The following CYP39A1 variants were observed in gnomAD, a reference collection of about 807,000 sequenced individuals.
CYP39A1 encodes 24-hydroxycholesterol 7-alpha-hydroxylase.
Under a neutral mutation model 58.1 loss-of-function variants are expected in CYP39A1, and 49 were observed. The observed-to-expected ratio is 0.84, with a 90% confidence interval of 0.67 to 1.07. The LOEUF is 1.07. Ranked by LOEUF, CYP39A1 falls within the 50% of genes least tolerant of loss-of-function variation. CYP39A1 has a pLI of 0.00. For synonymous variants in CYP39A1, 209 were observed against 187.6 expected (o/e 1.11, Z -0.93); for missense variants, 531 against 539.4 (o/e 0.98, Z 0.16).
At chr6:46,605,667 C>A (rs1041119841) in intron 7 of CYP39A1, among the ~76,000 whole-genome samples, 2 of 152,118 alleles carry the variant, frequency 1.3e-5, no homozygotes. Flanking sequence ...CTTGCCTCCT[C>A]TCCCATTTCT....
intron 7 of CYP39A1, among the ~76,000 whole-genome samples, chr6:46,619,109 T>C (rs1475557529): frequency 6.6e-6 from 1 of 152,148 alleles, no homozygotes; most frequent in African/African-American, 2.4e-5. Context: ...TAGCTCCTTT[T>C]GTGGCTCCCA....
At chr6:46,554,310 T>C (rs1171451778) in intron 10 of CYP39A1, among the ~76,000 whole-genome samples, 2 of 152,206 alleles carry the variant, frequency 1.3e-5, no homozygotes. Context: ...ACAGTGTATA[T>C]TTAAGATATT....
At chr6:46,579,443 C>T (rs1015158710) in intron 10 of CYP39A1, among the ~76,000 whole-genome samples, 2 of 151,862 alleles carry the variant, frequency 1.3e-5, no homozygotes, top group Non-Finnish European at 2.9e-5. Flanking sequence ...CCTTGAAAAC[C>T]GAAAGAAGAC....
intron 10 of CYP39A1, among the ~76,000 whole-genome samples, chr6:46,576,781 A>T (rs1374303012): frequency 6.6e-6 from 1 of 152,254 alleles, no homozygotes; most frequent in East Asian, 1.9e-4. Flanking sequence ...CAACGCAGGC[A>T]GACAACAATA....
At chr6:46,585,706 AAGG>A (rs1442148388) in intron 10 of CYP39A1, among the ~76,000 whole-genome samples, 16 of 152,268 alleles carry the variant, frequency 1.1e-4, no homozygotes. Context: ...CTTAAAAAGT[AAGG>A]ACACTTATTA....
At chr6:46,645,427 A>T (rs1157930009) in intron 1 of CYP39A1, among the ~76,000 whole-genome samples, 1 of 152,086 alleles carries the variant, frequency 6.6e-6, no homozygotes, top group Non-Finnish European at 1.5e-5. Context: ...CCATTTGTTT[A>T]AAAAGGCCAT....
At chr6:46,583,097 A>T in intron 10 of CYP39A1, 1 of 985,394 alleles carries the variant, frequency 1.0e-6, no homozygotes, top group Non-Finnish European at 1.2e-6. Context: ...ACCCAAACAT[A>T]CACAAAAAGT....
intron 7 of CYP39A1, among the ~76,000 whole-genome samples, chr6:46,613,099 T>C (rs1774313632): frequency 6.6e-6 from 1 of 152,224 alleles, no homozygotes; most frequent in African/African-American, 2.4e-5. Flanking sequence ...CTAATTAAAA[T>C]AAAGCAGACA....
At chr6:46,648,608 T>G (rs1023929398) in intron 1 of CYP39A1, among the ~76,000 whole-genome samples, 1 of 151,762 alleles carries the variant, frequency 6.6e-6, no homozygotes, top group Admixed American at 6.6e-5. Context: ...ACATGGCACA[T>G]GTATACATAT....
intron 8 of CYP39A1, among the ~76,000 whole-genome samples, chr6:46,590,957 T>C (rs541517976): frequency 6.6e-6 from 1 of 152,280 alleles, no homozygotes; most frequent in South Asian, 2.1e-4. Flanking sequence ...TGGTAAATAG[T>C]GCCACCATAA....
intron 10 of CYP39A1, among the ~76,000 whole-genome samples, chr6:46,584,411 G>A (rs1772334700): frequency 6.6e-6 from 1 of 151,962 alleles, no homozygotes; most frequent in Non-Finnish European, 1.5e-5. Flanking sequence ...ACCTCTACCA[G>A]ACACCTGGAT....
intron 5 of CYP39A1, among the ~76,000 whole-genome samples, chr6:46,632,089 G>A (rs1775697186): frequency 6.6e-6 from 1 of 152,092 alleles, no homozygotes; most frequent in Non-Finnish European, 1.5e-5. Flanking sequence ...CCAAGATGCA[G>A]ATACTACTAT....
At chr6:46,551,118 G>T (rs1770372666) in intron 11 of CYP39A1, among the ~76,000 whole-genome samples, 1 of 152,126 alleles carries the variant, frequency 6.6e-6, no homozygotes, top group South Asian at 2.1e-4. Context: ...GGAAGATGAG[G>T]AGTGAGGAAA....
chr6:46,590,836 C>T (rs147079971), intron 8 of CYP39A1, among the ~76,000 whole-genome samples: 31 of 152,254 alleles, frequency 2.0e-4, no homozygotes, highest in African/African-American at 7.2e-4. Flanking sequence ...AACCTGTTTT[C>T]CCTTTTTATT....
At chr6:46,607,127 C>T (rs1488617651) in intron 7 of CYP39A1, among the ~76,000 whole-genome samples, 1 of 152,164 alleles carries the variant, frequency 6.6e-6, no homozygotes, top group African/African-American at 2.4e-5. Context: ...CGCCACATTG[C>T]TTCCTCAAAG....
At chr6:46,574,588 C>G (rs997385335) in intron 10 of CYP39A1, among the ~76,000 whole-genome samples, 1 of 152,148 alleles carries the variant, frequency 6.6e-6, no homozygotes, top group Non-Finnish European at 1.5e-5. Context: ...AGATACCTAA[C>G]TTATTAAAGA....
intron 7 of CYP39A1, among the ~76,000 whole-genome samples, chr6:46,607,847 T>G (rs1773943701): frequency 1.3e-5 from 2 of 152,234 alleles, no homozygotes. Context: ...CTTTCATTAC[T>G]TTTGAAAGCA....
At chr6:46,607,789 A>T (rs989231268) in intron 7 of CYP39A1, among the ~76,000 whole-genome samples, 3 of 152,112 alleles carry the variant, frequency 2.0e-5, no homozygotes, top group Non-Finnish European at 4.4e-5. Flanking sequence ...CAAATAATAA[A>T]ATCCTTCCAA....
chr6:46,590,829 C>T (rs1189220668), intron 8 of CYP39A1, among the ~76,000 whole-genome samples: 1 of 152,118 alleles, frequency 6.6e-6, no homozygotes, highest in South Asian at 2.1e-4. Context: ...ACTTCATAAC[C>T]TGTTTTCCCT....
Sources: allele counts gnomAD v4.1 joint callset (sites outside exome capture counted in the v4.1 genomes callset), GRCh38; gene constraint gnomAD v4.1.1; transcripts MANE v1.5; gene names NCBI Gene and HGNC (gene_info 2026-07-23, HGNC 2026-07-21).